Variants in ACOT11 observed in about 807,000 individuals in gnomAD.
The protein encoded by ACOT11 is acyl-CoA thioesterase 11.
Under a neutral mutation model 77.5 loss-of-function variants are expected in ACOT11, and 69 were observed. The observed-to-expected ratio is 0.89, with a 90% CI of 0.73 to 1.09. The LOEUF (loss-of-function observed/expected upper bound fraction) is 1.09. ACOT11 is among the 50% of genes least tolerant of loss of function. The probability of loss-of-function intolerance (pLI) is 0.00; values close to 1 mark genes in which losing one functional copy is unlikely to be tolerated. For missense variants in ACOT11, 766 were observed against 813.7 expected, an observed-to-expected ratio of 0.94 and a Z score of 0.71; for synonymous variants, 279 against 313.0, an observed-to-expected ratio of 0.89 and a Z score of 1.15.
At chr1:54,582,318 T>C (rs1293211995) in intron 1 of ACOT11, 5 of 420,402 alleles carry the variant, frequency 1.2e-5, no homozygotes, top group South Asian at 1.0e-4. Flanking sequence ...GGGACACAGG[T>C]AGAATTTGAA....
At chr1:54,625,098 C>T (rs963702021) in intron 15 of ACOT11, among the ~76,000 whole-genome samples, 4 of 96,350 alleles carry the variant, frequency 4.2e-5, no homozygotes, top group Admixed American at 2.2e-4. Flanking sequence ...TTCAACACCC[C>T]CTCCCCACCA....
chr1:54,592,454 C>G (rs1437334584), intron 3 of ACOT11, 92 bp from the exon 4 acceptor site: 1 of 1,241,192 alleles, frequency 8.1e-7, no homozygotes, highest in East Asian at 2.5e-5. Flanking sequence ...ATCCTGCCAG[C>G]TCCCCGCAAG....
Position 54,584,555 on chromosome 1 carries a change from C to T in ACOT11, c.34-100C>T, listed in dbSNP as rs2100978692. The stretch of plus-strand genomic sequence containing the variant: ...CTGGTGGGAGGTGGCCCTAGGTACT[C>T]TCTCTCCCCCAGACCCTAAGTTCTC... On this transcript the variant is annotated intron_variant, in intron 1 of 15. Transcript: ENST00000343744. This position sits in a 1 kb window ranked among gnomAD's most constrained non-coding sequence, Gnocchi z 6.3. 3 of 1,178,574 alleles carry T rather than the reference C, an allele frequency of 2.5e-6. No individual in the cohort carries two copies. The East Asian group carries it at 7.8e-5, about 31-fold the overall frequency. The allele number at this position is 1,178,574 out of a possible 1,614,324, so 73.0% of individuals were successfully genotyped here. A position where few individuals can be genotyped will look rare whatever the true frequency, so the allele number is the denominator to read the frequency against.
chr1:54,611,798 G>A, downstream of ACOT11: 1 of 1,607,132 alleles, frequency 6.2e-7, no homozygotes, highest in South Asian at 1.1e-5. Context: ...AAGACCCTCA[G>A]CCCCACTCCT....
chr1:54,636,153 G>A (rs1290474996), exon 17 of ACOT11: 2 of 152,190 alleles, frequency 1.3e-5, no homozygotes, highest in African/African-American at 4.8e-5. Flanking sequence ...ACACCTGTGG[G>A]TGTTTCTCGT....
chr1:54,608,056 C>A lies in ACOT11; in HGVS notation c.1617C>A (p.Asp539Glu), dbSNP rs1644051613. 1 of 1,611,666 alleles carries A rather than the reference C, an allele frequency of 6.2e-7. No homozygotes were observed. The highest frequency in any genetic ancestry group is 2.2e-5 in the East Asian group (1 of 44,780). Reference protein sequence around the residue: ...CSGFCLWREGDQLTKVSYYNQ... With the variant: ...CSGFCLWREGEQLTKVSYYNQ... ...GCTTCTGCCTCTGGCGCGAGGGGGA[C>A]CAGCTGACCAAGGTGAGGCCGGTCC... Residue 539 changes from aspartate to glutamate, a missense_variant, in exon 15 of 16, where the codon GAC (aspartate) becomes GAA (glutamate). Asp to Glu is a conservative substitution (Grantham distance 45, BLOSUM62 2). Transcript: ENST00000343744.
Position 54,609,183 on chromosome 1 carries a change from G to A in ACOT11, c.*71G>A. 1 of 1,604,096 alleles carries A rather than the reference G, an allele frequency of 6.2e-7. No individual in the cohort carries two copies. Among genetic ancestry groups the A allele is most frequent in the Non-Finnish European group, 8.5e-7 (1 of 1,174,610 alleles). The stretch of plus-strand genomic sequence containing the variant: ...CCCAAGGACTCACATACAGTGCCTG[G>A]AGAAAGCCAAAGACCTTTATTTCTT... On this transcript the variant is annotated 3_prime_UTR_variant, in exon 16 of 16. Coordinates refer to ENST00000343744, the MANE Select transcript of ACOT11 (RefSeq NM_147161.4).
intron 5 of ACOT11, 97 bp downstream of exon 5, chr1:54,594,136 A>G: frequency 9.0e-7 from 1 of 1,113,976 alleles, no homozygotes; most frequent in Non-Finnish European, 1.3e-6. Flanking sequence ...GGGTTGGCAG[A>G]GGGGATGGGG....
intron 13 of ACOT11, among the ~76,000 whole-genome samples, chr1:54,606,235 G>A (rs112136483): frequency 9.9e-5 from 15 of 152,274 alleles, no homozygotes; most frequent in African/African-American, 2.9e-4. Flanking sequence ...GGGGGAGGGC[G>A]GTTGTGCATG....
chr1:54,619,243 C>T (rs1314001043), intron 15 of ACOT11, among the ~76,000 whole-genome samples: 2 of 152,148 alleles, frequency 1.3e-5, no homozygotes, highest in African/African-American at 4.8e-5. Flanking sequence ...CTAGCATGTT[C>T]GTGAACATTA....
rs377607293 is a variant in ACOT11 at position 54,605,178 on chromosome 1, C to T, written c.1339C>T (p.Arg447Cys). The T allele has an allele frequency of 4.2e-5, 68 of 1,613,558 alleles. No individual in the cohort carries two copies. Among genetic ancestry groups the T allele is most frequent in the Middle Eastern group, 1.6e-4 (1 of 6,078 alleles). Reference sequence around the variant, plus strand: ...GGCCTTCCTGCTGCTCTCGGACCTGCGTCAGAGGCCAGAGTGGGACAAGCA... The same window carrying T: ...GGCCTTCCTGCTGCTCTCGGACCTGTGTCAGAGGCCAGAGTGGGACAAGCA... ...AQAFLLLSDLRQRPEWDKHYR... is the reference protein window; with the variant it reads ...AQAFLLLSDLCQRPEWDKHYR... Residue 447 changes from arginine (R) to cysteine (C), a missense_variant, in exon 13 of 16, where the codon CGT (arginine) becomes TGT (cysteine). Transcript: ENST00000343744.
intron 8 of ACOT11, among the ~76,000 whole-genome samples, chr1:54,599,991 C>A (rs893184049): frequency 6.6e-6 from 1 of 152,150 alleles, no homozygotes; most frequent in East Asian, 1.9e-4. Context: ...GGCTCTGTGA[C>A]CTTAGAAGTA....
downstream of ACOT11, chr1:54,614,744 T>C (rs758356238): frequency 6.2e-7 from 1 of 1,614,048 alleles, no homozygotes; most frequent in South Asian, 1.1e-5. Flanking sequence ...TGGGGCCCTT[T>C]AAGATGTCAG....
intron 3 of ACOT11, among the ~76,000 whole-genome samples, chr1:54,587,279 C>T (rs969592711): frequency 6.6e-6 from 1 of 152,024 alleles, no homozygotes; most frequent in Non-Finnish European, 1.5e-5. Context: ...CTTTGGGGGG[C>T]CTACGCGGGT....
At position 54,609,135 on chromosome 1, in the gene ACOT11, G is replaced by GCCCACT. The variant is rs775508781; in HGVS notation, c.*32_*37dup. The GCCCACT allele has an allele frequency of 1.6e-5, 26 of 1,613,694 alleles. No homozygotes were observed. Among genetic ancestry groups the GCCCACT allele is most frequent in the Non-Finnish European group, 2.2e-5 (26 of 1,179,852 alleles). ...TAGATGCCCTCAGTGGCCACATCAT[G>GCCCACT]CCCACTCCCACTCCATCCTGTCCCC... is the stretch of plus-strand genomic sequence containing the variant. On this transcript the variant is annotated 3_prime_UTR_variant, in exon 16 of 16. Transcript: ENST00000343744.
chr1:54,554,557 A>C (rs983969718), intron 1 of ACOT11, among the ~76,000 whole-genome samples: 3 of 151,062 alleles, frequency 2.0e-5, no homozygotes, highest in South Asian at 2.1e-4. Context: ...GGTTCTCTCT[A>C]TGTTGACCAG....
intron 1 of ACOT11, among the ~76,000 whole-genome samples, chr1:54,581,390 G>T (rs535731209): frequency 1.3e-5 from 2 of 152,294 alleles, no homozygotes; most frequent in East Asian, 3.9e-4. Context: ...CCGTGGCCCA[G>T]CAGGGCTTAT....
chr1:54,563,143 G>C (rs1036841059), intron 1 of ACOT11, among the ~76,000 whole-genome samples: 1 of 152,226 alleles, frequency 6.6e-6, no homozygotes, highest in Non-Finnish European at 1.5e-5. Context: ...CGGCGGCAAA[G>C]ACTCTGATTT....
chr1:54,635,161 T>C (rs1392571217), exon 17 of ACOT11: 1 of 235,542 alleles, frequency 4.2e-6, no homozygotes, highest in African/African-American at 2.3e-5. Flanking sequence ...AAAATGAACG[T>C]ACTTATTTAG....
Sources: gnomAD v4.1 joint callset for allele counts (sites outside exome capture counted in the v4.1 genomes callset) on GRCh38, gnomAD v4.1.1 for gene constraint, Gnocchi (gnomAD v3.1) non-coding constraint, MANE v1.5 for transcripts, NCBI Gene and HGNC (gene_info 2026-07-23, HGNC 2026-07-21) for gene names.